Variants in SLC39A11 observed in about 807,000 individuals in gnomAD.
SLC39A11 encodes zinc transporter ZIP11.
A neutral mutation model predicts 36.1 loss-of-function variants in SLC39A11; 33 were observed. The observed-to-expected ratio is 0.91, with a 90% CI of 0.69 to 1.22. SLC39A11 has a LOEUF of 1.22. Among genes scored for constraint, SLC39A11 ranks in the 50% most tolerant of loss-of-function variants. The pLI is 0.00. For synonymous variants in SLC39A11, 166 were observed against 170.3 expected, an observed-to-expected ratio of 0.97 and a Z score of 0.20; for missense variants, 432 against 430.3, an observed-to-expected ratio of 1.00 and a Z score of -0.03.
rs916089670 is a variant in SLC39A11 at position 72,770,553 on chromosome 17, G to A, written c.602-33834C>T. ...CTTCCTTCCCCCTCTCCTTTCACGG[G>A]TGTCAGACCTGCACGGCAGTCTGCC... On this transcript the variant is annotated intron_variant, in intron 6 of 9. Transcript: ENST00000255559. Among the ~76,000 whole-genome samples, 3 of 152,140 alleles carry A rather than the reference G, an allele frequency of 2.0e-5. No individual in the cohort carries two copies. The East Asian group carries it at 5.8e-4, about 29-fold the overall frequency.
intron 6 of SLC39A11, among the ~76,000 whole-genome samples, chr17:72,752,154 A>G (rs1037919731): frequency 2.6e-5 from 4 of 152,200 alleles, no homozygotes; most frequent in African/African-American, 9.7e-5. Flanking sequence ...GAACCCTGAC[A>G]TAGAAAAGAA....
chr17:72,702,093 G>A (rs953494411), intron 7 of SLC39A11, among the ~76,000 whole-genome samples: 1 of 107,116 alleles, frequency 9.3e-6, no homozygotes, highest in African/African-American at 3.2e-5. Context: ...GTAATGGAGT[G>A]AGACTCTGTC....
chr17:72,686,268 T>C (rs1415591009), intron 7 of SLC39A11, among the ~76,000 whole-genome samples: 4 of 152,212 alleles, frequency 2.6e-5, no homozygotes, highest in South Asian at 2.1e-4. Context: ...CTGGCATGCT[T>C]CCAGCCAGAT....
At chr17:72,900,076 AAG>A (rs1273504779) in intron 5 of SLC39A11, among the ~76,000 whole-genome samples, 10 of 146,742 alleles carry the variant, frequency 6.8e-5, no homozygotes, top group Non-Finnish European at 9.0e-5. Context: ...GAGAGAGAGA[AAG>A]AGAGAAAGAG....
At chr17:72,949,990 C>T (rs1568006587) in intron 4 of SLC39A11, among the ~76,000 whole-genome samples, 1 of 133,348 alleles carries the variant, frequency 7.5e-6, no homozygotes, top group African/African-American at 2.7e-5. Flanking sequence ...CACACACACA[C>T]ACACACCCCT....
intron 4 of SLC39A11, among the ~76,000 whole-genome samples, chr17:73,019,023 T>C (rs1417581473): frequency 6.6e-6 from 1 of 152,174 alleles, no homozygotes; most frequent in Non-Finnish European, 1.5e-5. Flanking sequence ...GACCTTAGAA[T>C]CTCATCTTCA....
At position 72,647,500 on chromosome 17, in the gene SLC39A11, GAAGA is replaced by G. The variant is rs1243757526; in HGVS notation, c.*80_*83del. 1 of 1,149,718 alleles carries G rather than the reference GAAGA, an allele frequency of 8.7e-7. No homozygotes were observed. Among genetic ancestry groups the G allele is most frequent in the African/African-American group, 1.6e-5 (1 of 64,098 alleles). 71.2% of individuals were successfully genotyped at this position (1,149,718 alleles called of 1,614,324 possible). ...AGAGGAAGGAAAAAAGTTTTAATGT[GAAGA>G]AAGAAGCTTGTTGTCCCATAGAAGC... On this transcript the variant is annotated 3_prime_UTR_variant, in exon 10 of 10. Coordinates refer to ENST00000255559, the MANE Select transcript of SLC39A11 (RefSeq NM_139177.4).
intron 6 of SLC39A11, among the ~76,000 whole-genome samples, chr17:72,782,621 G>C (rs915697094): frequency 6.7e-6 from 1 of 149,406 alleles, no homozygotes; most frequent in African/African-American, 2.5e-5. Flanking sequence ...CTGGGAGATG[G>C]AGGTTGTAAT....
Position 72,847,304 on chromosome 17 carries a change from G to A in SLC39A11, c.601+2330C>T, listed in dbSNP as rs1039045924. 2.8e-4 allele frequency among the ~76,000 whole-genome samples: 43 copies of A among 152,020 alleles called. 1 individual carries two copies. The highest frequency in any genetic ancestry group is 9.7e-4 in the African/African-American group (40 of 41,346). On this transcript the variant is annotated intron_variant, in intron 6 of 9. Coordinates refer to ENST00000255559, the MANE Select transcript of SLC39A11 (RefSeq NM_139177.4). ...TTTAATCCCAGCTACTCGGGAGGCC[G>A]AGACAGGAGAATTGCTTGAACCGGG...
intron 6 of SLC39A11, among the ~76,000 whole-genome samples, chr17:72,817,614 T>A (rs919550225): frequency 6.6e-6 from 1 of 152,156 alleles, no homozygotes; most frequent in East Asian, 1.9e-4. Flanking sequence ...TATGACAACA[T>A]CACTAACTCC....
intron 4 of SLC39A11, among the ~76,000 whole-genome samples, chr17:72,972,614 C>T (rs900290948): frequency 2.0e-5 from 3 of 152,114 alleles, no homozygotes; most frequent in South Asian, 2.1e-4. Flanking sequence ...TCATTACAAC[C>T]CTCCGAGAAG....
At chr17:72,901,289 T>C (rs756894476) in intron 5 of SLC39A11, among the ~76,000 whole-genome samples, 2 of 152,216 alleles carry the variant, frequency 1.3e-5, no homozygotes, top group Non-Finnish European at 2.9e-5. Flanking sequence ...CACAGGCCCC[T>C]GCTGAGGCGA....
chr17:72,703,559 AAC>A (rs2072747746), intron 7 of SLC39A11, among the ~76,000 whole-genome samples: 1 of 152,154 alleles, frequency 6.6e-6, no homozygotes, highest in African/African-American at 2.4e-5. Context: ...ATGCCCGTGA[AAC>A]ACACAGAGTA....
chr17:72,787,139 ATGCAG>A (rs756242929), intron 6 of SLC39A11, among the ~76,000 whole-genome samples: 1 of 151,404 alleles, frequency 6.6e-6, no homozygotes, highest in Non-Finnish European at 1.5e-5. Flanking sequence ...TATCTTTAAG[ATGCAG>A]TGCAGCAGAC....
intron 6 of SLC39A11, among the ~76,000 whole-genome samples, chr17:72,789,866 C>T (rs943512781): frequency 6.6e-6 from 1 of 152,152 alleles, no homozygotes. Context: ...AATTCAGGAA[C>T]ATGGCCCAAT....
intron 4 of SLC39A11, among the ~76,000 whole-genome samples, chr17:72,964,997 C>G (rs1478631962): frequency 6.6e-6 from 1 of 150,894 alleles, no homozygotes; most frequent in Non-Finnish European, 1.5e-5. Flanking sequence ...CAAACTATCA[C>G]AAGGACAAAA....
At chr17:72,816,713 C>T (rs1041859039) in intron 6 of SLC39A11, among the ~76,000 whole-genome samples, 5 of 152,164 alleles carry the variant, frequency 3.3e-5, no homozygotes, top group Admixed American at 1.3e-4. Flanking sequence ...AGCCCAGCTA[C>T]GAAATCTGTC....
At chr17:72,867,180 AT>A (rs1162899389) in intron 5 of SLC39A11, among the ~76,000 whole-genome samples, 1 of 152,202 alleles carries the variant, frequency 6.6e-6, no homozygotes, top group Non-Finnish European at 1.5e-5. Flanking sequence ...AAACACCGTT[AT>A]TAGGTCAACT....
At chr17:72,751,939 C>T (rs2075171462) in intron 6 of SLC39A11, among the ~76,000 whole-genome samples, 1 of 152,066 alleles carries the variant, frequency 6.6e-6, no homozygotes, top group South Asian at 2.1e-4. Flanking sequence ...ATCCCCATTC[C>T]TCCTCCTCCC....
Sources: allele counts gnomAD v4.1 joint callset (sites outside exome capture counted in the v4.1 genomes callset), GRCh38; gene constraint gnomAD v4.1.1; transcripts MANE v1.5; gene names NCBI Gene and HGNC (gene_info 2026-07-23, HGNC 2026-07-21).